PNLIP: variants seen among roughly 807,000 people sequenced by gnomAD.
The protein encoded by PNLIP is pancreatic triacylglycerol lipase.
A neutral mutation model predicts 57.1 loss-of-function variants in PNLIP; 49 were observed. The observed-to-expected ratio is 0.86, with a 90% CI of 0.68 to 1.09. PNLIP has a LOEUF of 1.09. Ranked by LOEUF, PNLIP falls within the 50% of genes least tolerant of loss-of-function variation. PNLIP has a pLI of 0.00. For synonymous variants in PNLIP, 209 were observed against 200.4 expected (o/e 1.04, Z -0.36); for missense variants, 503 against 570.2 (o/e 0.88, Z 1.20).
At chr10:116,552,652 C>T (rs1847206600) in intron 5 of PNLIP, among the ~76,000 whole-genome samples, 1 of 152,012 alleles carries the variant, frequency 6.6e-6, no homozygotes, top group Admixed American at 6.6e-5. Context: ...TTTGGGAGGC[C>T]GAGGCGGGCG....
In PNLIP at chr10:116,560,475, G is replaced by A. The variant is rs1806640817; in HGVS notation, c.1120G>A (p.Val374Ile). 1.3e-6 allele frequency: 2 copies of A among 1,597,660 alleles called. No individual in the cohort carries two copies. The highest frequency in any genetic ancestry group is 8.5e-7 in the Non-Finnish European group (1 of 1,170,212). Residue 374 changes from valine to isoleucine, a missense_variant, in exon 11 of 13, where the codon GTT becomes ATT. Physicochemically the swap from Val to Ile is conservative, Grantham distance 29. Transcript: ENST00000369221. Reference protein sequence around the residue: ...SGKKVTGHILVSLFGNKGNSK... With the variant: ...SGKKVTGHILISLFGNKGNSK... Reference sequence around the variant, plus strand: ...AAAAAAGGTTACAGGACACATACTAGTTTCTTTGTTCGGAAATAAAGGAAA... The same window carrying A: ...AAAAAAGGTTACAGGACACATACTAATTTCTTTGTTCGGAAATAAAGGAAA...
At chr10:116,564,274 G>T (rs1470271274) in intron 12 of PNLIP, among the ~76,000 whole-genome samples, 1 of 151,836 alleles carries the variant, frequency 6.6e-6, no homozygotes, top group Non-Finnish European at 1.5e-5. Context: ...CAATTATAAA[G>T]ACAAAATATT....
chr10:116,555,208 G>T lies in PNLIP; in HGVS notation c.602G>T (p.Gly201Val), dbSNP rs1847239421. ...GACCCAGCAGAACCTTGCTTTCAGG[G>T]CACACCTGAATTAGTCCGATTGGAC... ...GLDPAEPCFQ[G>V]TPELVRLDPS... The change falls in exon 7 of 13, where the codon GGC (glycine) becomes GTC (valine). Residue 201 changes from glycine to valine, a missense_variant. Physicochemically the swap from Gly to Val is moderately radical, Grantham distance 109. Transcript: ENST00000369221. The T allele has an allele frequency of 6.2e-7, 1 of 1,613,832 alleles. No individual in the cohort carries two copies. Among genetic ancestry groups the T allele is most frequent in the African/African-American group, 1.3e-5 (1 of 74,894 alleles).
chr10:116,567,200 T>A (rs76400827), intron 12 of PNLIP, among the ~76,000 whole-genome samples: 8,240 of 151,830 alleles, frequency 0.054, 316 homozygotes, highest in South Asian at 0.088. Context: ...TTTCCTTCTT[T>A]CTTTTTTTCT....
rs1237900414 is a variant in PNLIP at position 116,555,225 on chromosome 10, C to T, written c.619C>T (p.Arg207Ter). 1.2e-6 allele frequency: 2 copies of T among 1,614,166 alleles called. No homozygotes were observed. Among genetic ancestry groups the T allele is most frequent in the Middle Eastern group, 1.6e-4 (1 of 6,062 alleles). Reference sequence around the variant, plus strand: ...CTTTCAGGGCACACCTGAATTAGTCCGATTGGACCCCAGCGATGCCAAATT... The same window carrying T: ...CTTTCAGGGCACACCTGAATTAGTCTGATTGGACCCCAGCGATGCCAAATT... The part of the protein sequence containing the change: ...PCFQGTPELV[R>*]LDPSDAKFVD... The change falls in exon 7 of 13, where the codon CGA becomes TGA. Residue 207 changes from arginine (R) to a stop codon, truncating the protein, a stop_gained. Transcript: ENST00000369221. LOFTEE classifies it high-confidence loss of function.
intron 11 of PNLIP, among the ~76,000 whole-genome samples, chr10:116,560,908 G>C (rs1247670398): frequency 6.6e-6 from 1 of 152,132 alleles, no homozygotes; most frequent in Non-Finnish European, 1.5e-5. Flanking sequence ...TACTGCACAT[G>C]TATAATGTAT....
intron 6 of PNLIP, 112 bp downstream of exon 6, chr10:116,553,950 A>G (rs963836081): frequency 5.0e-5 from 27 of 540,576 alleles, no homozygotes; most frequent in Non-Finnish European, 8.6e-5. Flanking sequence ...TCCTTAAAAA[A>G]AAAAAAAAGA....
chr10:116,555,900 C>T (rs2133203505), intron 8 of PNLIP, 100 bp from the exon 9 acceptor site: 1 of 748,236 alleles, frequency 1.3e-6, no homozygotes, highest in East Asian at 2.5e-5. Flanking sequence ...CATGAGCTCA[C>T]ACTAATTAGA....
intron 9 of PNLIP, among the ~76,000 whole-genome samples, chr10:116,558,371 T>C (rs1847277177): frequency 6.6e-6 from 1 of 151,578 alleles, no homozygotes; most frequent in Non-Finnish European, 1.5e-5. Context: ...ATTTTTTGTA[T>C]TTTTAGTAGA....
rs565045209 is a variant in PNLIP at position 116,559,284 on chromosome 10, G to A, written c.1060+1G>A. On this transcript the variant is annotated splice_donor_variant, in intron 10 of 12. Transcript: ENST00000369221. LOFTEE classifies it high-confidence loss of function. ...ACTGGTGATGCCAGTAATTTTGCAC[G>A]TAAGTTTCTGTTTTCTGTATCTTAT... The A allele has an allele frequency of 1.2e-5, 19 of 1,605,802 alleles. No homozygotes were observed. The highest frequency in any genetic ancestry group is 6.7e-5 in the East Asian group (3 of 44,792).
chr10:116,558,739 C>T (rs1413100000), intron 9 of PNLIP, among the ~76,000 whole-genome samples: 2 of 151,826 alleles, frequency 1.3e-5, no homozygotes, highest in Non-Finnish European at 2.9e-5. Flanking sequence ...ATTCTCCTGC[C>T]TCAGCCTCCA....
At position 116,567,826 on chromosome 10, in the gene PNLIP, T is replaced by A; in HGVS notation, c.*28T>A. The A allele has an allele frequency of 6.5e-7, 1 of 1,545,422 alleles. No individual in the cohort carries two copies. The highest frequency in any genetic ancestry group is 8.9e-7 in the Non-Finnish European group (1 of 1,117,370). On this transcript the variant is annotated 3_prime_UTR_variant, in exon 13 of 13. Coordinates refer to ENST00000369221, the MANE Select transcript of PNLIP (RefSeq NM_000936.4). ...GACTACTGTTATTTGACCAATGAATTGACTTCTAATAAAATCTAGTGGTGA... is the reference window on the plus strand; with the variant it reads ...GACTACTGTTATTTGACCAATGAATAGACTTCTAATAAAATCTAGTGGTGA...
intron 9 of PNLIP, among the ~76,000 whole-genome samples, chr10:116,558,873 C>T (rs1343459568): frequency 1.3e-5 from 2 of 152,124 alleles, no homozygotes; most frequent in Non-Finnish European, 2.9e-5. Context: ...GATCCACCTG[C>T]CTCAGCCTCC....
chr10:116,561,253 C>T (rs2133207405), intron 11 of PNLIP, among the ~76,000 whole-genome samples: 1 of 152,254 alleles, frequency 6.6e-6, no homozygotes, highest in Middle Eastern at 3.4e-3. Flanking sequence ...ATGTTCATGG[C>T]AAATGGACTA....
At chr10:116,551,543 C>T (rs992446236) in intron 5 of PNLIP, among the ~76,000 whole-genome samples, 1 of 152,096 alleles carries the variant, frequency 6.6e-6, no homozygotes, top group African/African-American at 2.4e-5. Flanking sequence ...TAAGATTAAT[C>T]TAGTTTTATT....
At chr10:116,558,678 G>A (rs529058189) in intron 9 of PNLIP, among the ~76,000 whole-genome samples, 1 of 151,314 alleles carries the variant, frequency 6.6e-6, no homozygotes, top group African/African-American at 2.4e-5. Context: ...AGGCTTAAGT[G>A]CAATAGTGCA....
intron 6 of PNLIP, among the ~76,000 whole-genome samples, chr10:116,554,094 G>A (rs574608467): frequency 2.0e-5 from 3 of 152,172 alleles, no homozygotes; most frequent in South Asian, 2.1e-4. Context: ...ATCAGAAATC[G>A]CTGTTCTGAG....
At position 116,555,095 on chromosome 10, in the gene PNLIP, C is replaced by G. The variant is rs1224346946; in HGVS notation, c.572-83C>G. ...CAGGTAAGGAAGAACCCGTTCATCC[C>G]TTTCCATGCATAACTCATATTTTAC... On this transcript the variant is annotated intron_variant, in intron 6 of 12. Coordinates refer to ENST00000369221, the MANE Select transcript of PNLIP (RefSeq NM_000936.4). The G allele has an allele frequency of 3.4e-6, 5 of 1,481,410 alleles. No homozygotes were observed. In the East Asian group the frequency reaches 1.1e-4, roughly 34 times the overall value. The allele number at this position is 1,481,410 out of a possible 1,614,324, so 91.8% of individuals were successfully genotyped here. A position where few individuals can be genotyped will look rare whatever the true frequency, so the allele number is the denominator to read the frequency against.
intron 2 of PNLIP, 36 bp from the exon 3 acceptor site, chr10:116,547,258 T>A (rs1418775125): frequency 7.5e-6 from 12 of 1,606,006 alleles, no homozygotes; most frequent in Non-Finnish European, 1.0e-5. Flanking sequence ...AAAAAGAGCA[T>A]GTTTGTAAAA....
Sources: allele counts gnomAD v4.1 joint callset (sites outside exome capture counted in the v4.1 genomes callset), GRCh38; gene constraint gnomAD v4.1.1; transcripts MANE v1.5; gene names NCBI Gene and HGNC (gene_info 2026-07-23, HGNC 2026-07-21).